RNF216: variants seen among roughly 807,000 people sequenced by gnomAD.
RNF216 encodes ring finger protein 216, also known as E3 ubiquitin-protein ligase RNF216.
Under a neutral mutation model 110.8 loss-of-function variants are expected in RNF216, and 72 were observed. The ratio of observed to expected loss-of-function variants is 0.65; its 90% CI spans 0.54 to 0.79. RNF216 has a LOEUF of 0.79. RNF216 is among the 30% of genes least tolerant of loss of function. RNF216 has a pLI of 0.00. For missense variants in RNF216, 1,342 were observed against 1,141.2 expected, an observed-to-expected ratio of 1.18 and a Z score of -2.54; for synonymous variants, 495 against 407.5, an observed-to-expected ratio of 1.21 and a Z score of -2.59.
rs953586262 is a variant in RNF216 at position 5,741,051 on chromosome 7, C to G, written c.966G>C (p.Glu322Asp). ...GCCCCCAAATGTTTTCCAAATTGGG[C>G]TCTTGAGATTCTTGCATTGGAAAGG... ...GPAFPMQESQEPNLENIWGQE... is the reference protein window; with the variant it reads ...GPAFPMQESQDPNLENIWGQE... Residue 322 changes from glutamate (E) to aspartate (D), a missense_variant, in exon 4 of 17, where the codon GAG becomes GAC. Coordinates refer to ENST00000389902, the MANE Select transcript of RNF216 (RefSeq NM_207111.4). 6.2e-7 allele frequency: 1 copy of G among 1,614,110 alleles called. No individual in the cohort carries two copies. The highest frequency in any genetic ancestry group is 8.5e-7 in the Non-Finnish European group (1 of 1,180,026).
intron 1 of RNF216, among the ~76,000 whole-genome samples, chr7:5,765,529 C>T (rs1796157598): frequency 6.6e-6 from 1 of 151,992 alleles, no homozygotes; most frequent in Non-Finnish European, 1.5e-5. Context: ...ACTCAGGAAG[C>T]TGAAGCAGGA....
chr7:5,714,118 A>G (rs370576171), intron 11 of RNF216, among the ~76,000 whole-genome samples: 9 of 152,108 alleles, frequency 5.9e-5, no homozygotes, highest in African/African-American at 1.9e-4. Context: ...ACCCACCACC[A>G]CACCTGGCTA....
chr7:5,660,554 T>G (rs2128584735), intron 13 of RNF216, among the ~76,000 whole-genome samples: 1 of 151,824 alleles, frequency 6.6e-6, no homozygotes, highest in African/African-American at 2.4e-5. Flanking sequence ...CCTCCCAAAG[T>G]GGTGGGATTA....
chr7:5,752,763 TACA>T lies in RNF216; in HGVS notation c.201+80_201+82del, dbSNP rs1199913279. 2.4e-5 allele frequency: 34 copies of T among 1,445,764 alleles called. No individual in the cohort carries two copies. The East Asian group carries it at 6.0e-4, about 26-fold the overall frequency. 89.6% of individuals were successfully genotyped at this position (1,445,764 alleles called of 1,614,324 possible). On this transcript the variant is annotated intron_variant, in intron 3 of 16. Transcript: ENST00000389902. ...AGAACGAGTACAAGAGGTGCTGTTC[TACA>T]ACAAGGCCCACAAGAGTGGCTGAAA...
intron 8 of RNF216, among the ~76,000 whole-genome samples, chr7:5,722,548 G>A (rs1232310633): frequency 6.6e-6 from 1 of 151,438 alleles, no homozygotes; most frequent in Non-Finnish European, 1.5e-5. Flanking sequence ...CCGCCACCAT[G>A]CCCGGCTAAT....
At chr7:5,659,406 A>G (rs1378309112) in intron 13 of RNF216, among the ~76,000 whole-genome samples, 4 of 152,196 alleles carry the variant, frequency 2.6e-5, no homozygotes, top group Non-Finnish European at 4.4e-5. Context: ...TACAGAGGGA[A>G]GAGCAAGGGT....
At chr7:5,736,778 T>A (rs1225271988) in intron 5 of RNF216, among the ~76,000 whole-genome samples, 1 of 151,576 alleles carries the variant, frequency 6.6e-6, no homozygotes, top group African/African-American at 2.4e-5. Context: ...TGCGACCCCA[T>A]CTGGGAGGTG....
At chr7:5,690,433 T>C (rs1389010804) in intron 13 of RNF216, among the ~76,000 whole-genome samples, 3 of 152,132 alleles carry the variant, frequency 2.0e-5, no homozygotes, top group African/African-American at 7.2e-5. Flanking sequence ...CTGACTGCTT[T>C]GTTAAGGTTT....
chr7:5,759,890 CA>C (rs1415818225), intron 2 of RNF216, among the ~76,000 whole-genome samples: 1 of 152,090 alleles, frequency 6.6e-6, no homozygotes, highest in Non-Finnish European at 1.5e-5. Context: ...CTCGGTCTCC[CA>C]AAGTGCTGGG....
chr7:5,748,909 A>G (rs909214360), intron 3 of RNF216, among the ~76,000 whole-genome samples: 13 of 152,150 alleles, frequency 8.5e-5, no homozygotes, highest in South Asian at 2.1e-4. Context: ...AACGAAGGCT[A>G]TAAGATCTGC....
intron 5 of RNF216, among the ~76,000 whole-genome samples, chr7:5,731,407 C>G (rs551660847): frequency 1.1e-4 from 17 of 151,788 alleles, no homozygotes; most frequent in Non-Finnish European, 2.2e-4. Context: ...TCATGTTTTC[C>G]TATGAACAGA....
intron 14 of RNF216, among the ~76,000 whole-genome samples, chr7:5,650,674 A>AGG (rs1005644644): frequency 1.3e-5 from 2 of 152,082 alleles, no homozygotes; most frequent in Admixed American, 1.3e-4. Flanking sequence ...AGCCAGCAAC[A>AGG]GGGGGGTCAA....
At chr7:5,674,540 A>T (rs1790143440) in intron 13 of RNF216, among the ~76,000 whole-genome samples, 1 of 151,606 alleles carries the variant, frequency 6.6e-6, no homozygotes, top group South Asian at 2.1e-4. Flanking sequence ...AGGTGGGAGG[A>T]TCACTTAAGC....
intron 9 of RNF216, 25 bp from the exon 10 acceptor site, chr7:5,716,791 T>G (rs752415298): frequency 6.3e-7 from 1 of 1,591,824 alleles, no homozygotes. Context: ...AGGCACACAT[T>G]CAGACACAAA....
intron 13 of RNF216, among the ~76,000 whole-genome samples, chr7:5,697,157 A>T (rs1224478037): frequency 6.6e-6 from 1 of 152,096 alleles, no homozygotes; most frequent in African/African-American, 2.4e-5. Flanking sequence ...TGCTCGTGTC[A>T]TTCTCTGGGC....
At chr7:5,638,726 C>A (rs1284894363) in intron 15 of RNF216, among the ~76,000 whole-genome samples, 1 of 151,560 alleles carries the variant, frequency 6.6e-6, no homozygotes, top group African/African-American at 2.4e-5. Context: ...CAGCCTTGAC[C>A]TCCCAGGCTC....
rs979003015 is a variant in RNF216 at position 5,620,982 on chromosome 7, C to T, written c.*1878G>A. 13 of 152,194 alleles carry T rather than the reference C, an allele frequency of 8.5e-5. No homozygotes were observed. Among genetic ancestry groups the T allele is most frequent in the African/African-American group, 3.1e-4 (13 of 41,426 alleles). 9.4% of individuals were successfully genotyped at this position (152,194 alleles called of 1,614,324 possible). On this transcript the variant is annotated 3_prime_UTR_variant, in exon 17 of 17. Coordinates refer to ENST00000389902, the MANE Select transcript of RNF216 (RefSeq NM_207111.4). The stretch of plus-strand genomic sequence containing the variant: ...CCTGTTGCTGCCGCATGGAGCCTGC[C>T]TTTCCAAGGCACTGTCGTTCAGGCT...
intron 13 of RNF216, among the ~76,000 whole-genome samples, chr7:5,663,697 G>A (rs1322750354): frequency 1.3e-5 from 2 of 149,820 alleles, no homozygotes; most frequent in African/African-American, 2.5e-5. Context: ...TCAGGAGTTC[G>A]AGACCAGCCT....
chr7:5,668,556 A>C (rs1445834180), intron 13 of RNF216, among the ~76,000 whole-genome samples: 3 of 152,102 alleles, frequency 2.0e-5, no homozygotes, highest in African/African-American at 7.2e-5. Flanking sequence ...CCTCCTTGCT[A>C]GTGAAATGTG....
Sources: gnomAD v4.1 joint callset for allele counts (sites outside exome capture counted in the v4.1 genomes callset) on GRCh38, gnomAD v4.1.1 for gene constraint, MANE v1.5 for transcripts, NCBI Gene and HGNC (gene_info 2026-07-23, HGNC 2026-07-21) for gene names.